The following MAPK10 variants were observed in gnomAD, a reference collection of about 807,000 sequenced individuals.
MAPK10 encodes mitogen-activated protein kinase 10.
A neutral mutation model predicts 59.3 loss-of-function variants in MAPK10; 25 were observed. The ratio of observed to expected loss-of-function variants is 0.42; its 90% CI spans 0.31 to 0.59. The LOEUF is 0.59. Among genes scored for constraint, MAPK10 ranks in the 20% least tolerant of loss-of-function variants. MAPK10 has a pLI of 0.15. For synonymous variants in MAPK10, 190 were observed against 200.5 expected, an observed-to-expected ratio of 0.95 and a Z score of 0.44; for missense variants, 351 against 568.9, an observed-to-expected ratio of 0.62 and a Z score of 3.90.
At chr4:86,306,788 T>C (rs2095575952) in intron 2 of MAPK10, among the ~76,000 whole-genome samples, 1 of 152,220 alleles carries the variant, frequency 6.6e-6, no homozygotes, top group African/African-American at 2.4e-5. Context: ...CTAACATTTT[T>C]CTGACATAGC....
chr4:86,358,221 T>G (rs918237645), intron 1 of MAPK10: 7 of 985,238 alleles, frequency 7.1e-6, no homozygotes, highest in Non-Finnish European at 8.4e-6. Flanking sequence ...AAGTAGAAAA[T>G]TCACAGAAGC....
Position 86,514,210 on chromosome 4 carries a change from C to A in MAPK10, c.-263+79700G>T, listed in dbSNP as rs545987956. Among the ~76,000 whole-genome samples the A allele has an allele frequency of 1.5e-3, 222 of 152,202 alleles. 2 individuals carry two copies. Among genetic ancestry groups the A allele is most frequent in the African/African-American group, 5.0e-3 (209 of 41,538 alleles). ...TAAGCCCTCATAACAAGAACTATCA[C>A]AAAAGGCTCTGAAAAAAACCCACAA... On this transcript the variant is annotated intron_variant, in intron 1 of 4. Transcript: ENST00000502302.
intron 2 of MAPK10, among the ~76,000 whole-genome samples, chr4:86,221,726 C>T (rs569621635): frequency 3.2e-4 from 48 of 152,148 alleles, no homozygotes; most frequent in Non-Finnish European, 6.5e-4. Context: ...TGGTCTCGAA[C>T]TCTTGGGTTC....
At chr4:86,042,184 G>A (rs2041677947) in intron 11 of MAPK10, among the ~76,000 whole-genome samples, 1 of 152,198 alleles carries the variant, frequency 6.6e-6, no homozygotes, top group Non-Finnish European at 1.5e-5. Flanking sequence ...GATGAAGCTA[G>A]AAGCCATCAT....
intron 1 of MAPK10, among the ~76,000 whole-genome samples, chr4:86,450,803 T>C: frequency 6.6e-6 from 1 of 152,222 alleles, no homozygotes; most frequent in Non-Finnish European, 1.5e-5. Flanking sequence ...AAAAAGAACA[T>C]TAAGATGTTG....
At chr4:86,227,630 T>A (rs1583189777) in intron 2 of MAPK10, among the ~76,000 whole-genome samples, 1 of 152,134 alleles carries the variant, frequency 6.6e-6, no homozygotes, top group East Asian at 1.9e-4. Context: ...ATGACCAAAC[T>A]AAAACTCTTC....
intron 5 of MAPK10, among the ~76,000 whole-genome samples, chr4:86,104,663 C>A (rs1394080726): frequency 6.6e-6 from 1 of 151,944 alleles, no homozygotes; most frequent in Non-Finnish European, 1.5e-5. Context: ...AAAATGCTAA[C>A]CCAGATCACT....
chr4:86,564,389 A>G (rs1426574103), intron 1 of MAPK10, among the ~76,000 whole-genome samples: 1 of 152,190 alleles, frequency 6.6e-6, no homozygotes, highest in Non-Finnish European at 1.5e-5. Flanking sequence ...GACCAAAACC[A>G]TTAGTAGTAC....
intron 1 of MAPK10, among the ~76,000 whole-genome samples, chr4:86,415,859 A>G (rs1000440341): frequency 6.6e-6 from 1 of 152,258 alleles, no homozygotes; most frequent in African/African-American, 2.4e-5. Context: ...CGAACTATGT[A>G]CCTAAATTGC....
intron 1 of MAPK10, among the ~76,000 whole-genome samples, chr4:86,405,702 T>A (rs77014861): frequency 6.6e-6 from 1 of 152,326 alleles, no homozygotes; most frequent in East Asian, 1.9e-4. Flanking sequence ...CACTCTTTTT[T>A]ACCTACTCCT....
At chr4:86,232,585 G>A (rs1027489691) in intron 2 of MAPK10, among the ~76,000 whole-genome samples, 10 of 152,224 alleles carry the variant, frequency 6.6e-5, no homozygotes, top group Middle Eastern at 3.4e-3. Flanking sequence ...ATCTTAGCCA[G>A]GATGGTCTTC....
intron 1 of MAPK10, among the ~76,000 whole-genome samples, chr4:86,574,626 T>C (rs1429838960): frequency 3.3e-5 from 5 of 152,248 alleles, no homozygotes; most frequent in African/African-American, 1.2e-4. Context: ...TATCTCATTG[T>C]GGTTTTGATT....
Position 86,031,368 on chromosome 4 carries a change from C to A in MAPK10, c.1174G>T (p.Glu392Ter). 1 of 1,603,676 alleles carries A rather than the reference C, an allele frequency of 6.2e-7. No homozygotes were observed. Among genetic ancestry groups the A allele is most frequent in the Non-Finnish European group, 8.5e-7 (1 of 1,170,968 alleles). ...ATACTTTTTTAAGTAGTAGACTTAC[C>A]TTTCCATTCTTCAATTGTGTGTTCT... ...EREHTIEEWK[E>*]LIYKEVMNSE... Residue 392 changes from glutamate to a stop codon, truncating the protein, a stop_gained and splice_region_variant, in exon 12 of 14, where the codon GAA becomes TAA. Transcript: ENST00000641462. LOFTEE classifies it high-confidence loss of function.
intron 2 of MAPK10, among the ~76,000 whole-genome samples, chr4:86,332,915 A>G (rs7684258): frequency 0.71 from 108,193 of 151,476 alleles, 39,524 homozygotes; most frequent in South Asian, 0.9. Flanking sequence ...GCTGCTGACT[A>G]ATAGGTAATG....
intron 9 of MAPK10, chr4:86,079,692 C>T (rs575594703): frequency 3.9e-4 from 60 of 152,102 alleles, no homozygotes; most frequent in Non-Finnish European, 5.1e-4. Context: ...ACAGCCTACA[C>T]GAACAGAAAT....
At chr4:86,032,619 T>C (rs1357958107) in intron 11 of MAPK10, 4 of 152,170 alleles carry the variant, frequency 2.6e-5, no homozygotes, top group Non-Finnish European at 5.9e-5. Flanking sequence ...CTGGCTTCTG[T>C]GAGAGCTTTT....
At chr4:86,204,905 T>C (rs992335119) in intron 2 of MAPK10, among the ~76,000 whole-genome samples, 2 of 151,982 alleles carry the variant, frequency 1.3e-5, no homozygotes, top group Non-Finnish European at 2.9e-5. Context: ...CTTAAAATTA[T>C]AAAAAAATGT....
intron 1 of MAPK10, among the ~76,000 whole-genome samples, chr4:86,568,146 C>G (rs572834377): frequency 2.6e-5 from 4 of 152,228 alleles, no homozygotes; most frequent in Non-Finnish European, 5.9e-5. Context: ...TTTCTATATA[C>G]CAATAATGAT....
intron 9 of MAPK10, chr4:86,082,187 T>C (rs1483113660): frequency 2.6e-5 from 4 of 152,134 alleles, no homozygotes; most frequent in African/African-American, 9.7e-5. Flanking sequence ...TTTAGAACTG[T>C]GGCTAACTCT....
Sources: allele counts gnomAD v4.1 joint callset (sites outside exome capture counted in the v4.1 genomes callset), GRCh38; gene constraint gnomAD v4.1.1; transcripts MANE v1.5; gene names NCBI Gene and HGNC (gene_info 2026-07-23, HGNC 2026-07-21).